AP1G1: variants seen among roughly 807,000 people sequenced by gnomAD.
The protein encoded by AP1G1 is AP-1 complex subunit gamma-1.
AP1G1 carries 7 observed loss-of-function variants against 108.3 expected under a neutral mutation model. The ratio of observed to expected loss-of-function variants is 0.06; its 90% confidence interval spans 0.04 to 0.12. AP1G1 has a LOEUF of 0.12. Among genes scored for constraint, AP1G1 ranks in the 10% least tolerant of loss-of-function variants. The pLI, the probability that AP1G1 is intolerant of heterozygous loss-of-function variation, is 1.00. For synonymous variants in AP1G1, 379 were observed against 353.5 expected, an observed-to-expected ratio of 1.07 and a Z score of -0.81; for missense variants, 756 against 1,010.7, an observed-to-expected ratio of 0.75 and a Z score of 3.42.
intron 1 of AP1G1, among the ~76,000 whole-genome samples, chr16:71,800,501 G>A (rs1279068601): frequency 3.3e-5 from 5 of 151,264 alleles, no homozygotes; most frequent in Non-Finnish European, 7.4e-5. Context: ...GACCAACATG[G>A]AGAAACCCCC....
chr16:71,738,899 A>T (rs1415095322), intron 21 of AP1G1, 43 bp downstream of exon 21: 7 of 1,538,458 alleles, frequency 4.6e-6, no homozygotes, highest in African/African-American at 1.4e-5. Context: ...AAAGCCAGCC[A>T]ATCTTTAATC....
chr16:71,803,330 G>C (rs1377910055), intron 1 of AP1G1, among the ~76,000 whole-genome samples: 1 of 151,814 alleles, frequency 6.6e-6, no homozygotes, highest in Non-Finnish European at 1.5e-5. Context: ...TACTTAATTT[G>C]TTGCCAACAT....
At chr16:71,744,088 C>T (rs1052163803) in intron 19 of AP1G1, among the ~76,000 whole-genome samples, 4 of 151,238 alleles carry the variant, frequency 2.6e-5, no homozygotes, top group African/African-American at 7.3e-5. Context: ...ACTAAAAATA[C>T]GAAAATTAGC....
At chr16:71,790,206 T>A (rs1351099120) in intron 1 of AP1G1, among the ~76,000 whole-genome samples, 1 of 151,820 alleles carries the variant, frequency 6.6e-6, no homozygotes, top group Non-Finnish European at 1.5e-5. Flanking sequence ...ACTACAAAGC[T>A]ATAGTAATCA....
Position 71,733,444 on chromosome 16 carries a change from T to G in AP1G1, c.2368-285A>C, listed in dbSNP as rs2045494019. Among the ~76,000 whole-genome samples the G allele has an allele frequency of 4.2e-5, 3 of 71,162 alleles. No homozygotes were observed. In the South Asian group the frequency reaches 1.6e-3, roughly 39 times the overall value. 46.7% of individuals were successfully genotyped at this position (71,162 alleles called of 152,430 possible). On this transcript the variant is annotated intron_variant, in intron 22 of 22. Coordinates refer to ENST00000299980, the MANE Select transcript of AP1G1 (RefSeq NM_001128.6). ...CAGAACTCCTTGGGAGCATTTTTTC[T>G]TTTCTTTTCTTTTGAAACAGGGTTT...
intron 6 of AP1G1, chr16:71,767,888 A>T: frequency 6.3e-7 from 1 of 1,599,336 alleles, no homozygotes; most frequent in South Asian, 1.1e-5. Flanking sequence ...TTTTCATTCT[A>T]ACATACAGCA....
rs374070303 is a variant in AP1G1, at chr16:71,739,252, A to G, written c.2089T>C (p.Phe697Leu). ...ATCGTACCTGCAGCAATATCATTGAAGAGAGGCTGTGATGAAAGCCCATCC... is the reference window on the plus strand; with the variant it reads ...ATCGTACCTGCAGCAATATCATTGAGGAGAGGCTGTGATGAAAGCCCATCC... ...LLDGLSSQPL[F>L]NDIAAGIPSI... Residue 697 changes from phenylalanine (F) to leucine (L), a missense_variant, in exon 20 of 23, where the codon TTC becomes CTC. Physicochemically the swap from Phe to Leu is conservative, Grantham distance 22 (BLOSUM62 0). Transcript: ENST00000299980. The G allele has an allele frequency of 6.2e-7, 1 of 1,613,806 alleles. No homozygotes were observed. The highest frequency in any genetic ancestry group is 8.5e-7 in the Non-Finnish European group (1 of 1,179,838).
intron 6 of AP1G1, chr16:71,767,806 T>C: frequency 6.9e-7 from 1 of 1,443,210 alleles, no homozygotes; most frequent in Non-Finnish European, 9.6e-7. Context: ...GCCACATTTG[T>C]GGATCGATAC....
intron 2 of AP1G1, among the ~76,000 whole-genome samples, chr16:71,775,788 C>CA (rs2031760260): frequency 6.6e-6 from 1 of 152,044 alleles, no homozygotes; most frequent in African/African-American, 2.4e-5. Context: ...ACAGAAAAAA[C>CA]AAAAAACAGA....
intron 1 of AP1G1, among the ~76,000 whole-genome samples, chr16:71,794,938 T>C (rs1182155287): frequency 6.6e-6 from 1 of 150,758 alleles, no homozygotes; most frequent in Non-Finnish European, 1.5e-5. Context: ...TGTTCACTCT[T>C]GTATCCTCCT....
intron 1 of AP1G1, among the ~76,000 whole-genome samples, chr16:71,798,755 G>T (rs1373285266): frequency 3.3e-5 from 5 of 151,902 alleles, no homozygotes; most frequent in Non-Finnish European, 7.4e-5. Flanking sequence ...GGGCATGGTG[G>T]CGGGCACCTG....
intron 2 of AP1G1, among the ~76,000 whole-genome samples, chr16:71,779,564 C>G (rs2031924540): frequency 6.6e-6 from 1 of 152,114 alleles, no homozygotes; most frequent in Non-Finnish European, 1.5e-5. Context: ...TGGTCTCAAA[C>G]TCCTGGCTTC....
In AP1G1 at chr16:71,750,218, A is replaced by C. The variant is rs764030505; in HGVS notation, c.1399T>G (p.Tyr467Asp). 1.2e-6 allele frequency: 2 copies of C among 1,613,834 alleles called. No homozygotes were observed. Among genetic ancestry groups the C allele is most frequent in the East Asian group, 2.2e-5 (1 of 44,872 alleles). The change falls in exon 14 of 23, where the codon TAT becomes GAT. Residue 467 changes from tyrosine (Y) to aspartate (D), a missense_variant. Transcript: ENST00000299980. Reference sequence around the variant, plus strand: ...TTGAATGAAGTACTTACTTGAGAATAATCACCAAGAATTGCTTTGTACAGG... The same window carrying C: ...TTGAATGAAGTACTTACTTGAGAATCATCACCAAGAATTGCTTTGTACAGG... ...QRLYKAILGD[Y>D]SQQPLVQVAA...
At chr16:71,761,625 T>A in intron 9 of AP1G1, 58 bp from the exon 10 acceptor site, 1 of 1,328,868 alleles carries the variant, frequency 7.5e-7, no homozygotes, top group Non-Finnish European at 1.1e-6. Flanking sequence ...TATTGTTTCC[T>A]GAGTTTAAAG....
chr16:71,787,777 AACATCAG>A (rs1466844057), intron 2 of AP1G1, among the ~76,000 whole-genome samples: 1 of 152,218 alleles, frequency 6.6e-6, no homozygotes, highest in African/African-American at 2.4e-5. Flanking sequence ...TTATAACTGA[AACATCAG>A]AGCCTCAGGG....
intron 4 of AP1G1, 40 bp downstream of exon 4, chr16:71,773,181 C>G: frequency 6.2e-7 from 1 of 1,605,808 alleles, no homozygotes; most frequent in Non-Finnish European, 8.5e-7. Flanking sequence ...CTCCATAATA[C>G]TCCCTAATCC....
At position 71,801,937 on chromosome 16, in the gene AP1G1, A is replaced by AG. The variant is rs889358806; in HGVS notation, c.-4+6825_-4+6826insC. ...ACTCCGTAACCAAAAAAAAAAAAAA[A>AG]AAAGAAAAGAAAAAAATGCTCTGCA... is the stretch of plus-strand genomic sequence containing the variant. On this transcript the variant is annotated intron_variant, in intron 1 of 22. Coordinates refer to ENST00000299980, the MANE Select transcript of AP1G1 (RefSeq NM_001128.6). Among the ~76,000 whole-genome samples the AG allele has an allele frequency of 1.2e-4, 18 of 151,912 alleles. No individual in the cohort carries two copies. The East Asian group carries it at 2.5e-3, about 21-fold the overall frequency.
chr16:71,762,182 T>C (rs761177968), intron 9 of AP1G1, among the ~76,000 whole-genome samples: 1 of 152,062 alleles, frequency 6.6e-6, no homozygotes. Flanking sequence ...CACGCAGCCA[T>C]TAAGACAGAA....
At chr16:71,748,555 T>C (rs562008723) in intron 15 of AP1G1, among the ~76,000 whole-genome samples, 177 bp from the exon 16 acceptor site, 3 of 151,832 alleles carry the variant, frequency 2.0e-5, no homozygotes, top group South Asian at 2.1e-4. Context: ...ACCAGAGTAG[T>C]TGGGGGTAAA....
Sources: allele counts gnomAD v4.1 joint callset (sites outside exome capture counted in the v4.1 genomes callset), GRCh38; gene constraint gnomAD v4.1.1; transcripts MANE v1.5; gene names NCBI Gene and HGNC (gene_info 2026-07-23, HGNC 2026-07-21).